The following KRT38 variants were observed in gnomAD, a reference collection of about 807,000 sequenced individuals.
The protein encoded by KRT38 is keratin 38.
A neutral mutation model predicts 43.1 loss-of-function variants in KRT38; 45 were observed. That is an observed-to-expected ratio of 1.04 (90% CI 0.82 to 1.34). The LOEUF is 1.34. Among genes scored for constraint, KRT38 ranks in the 40% most tolerant of loss-of-function variants. KRT38 has a pLI of 0.00. For synonymous variants in KRT38, 258 were observed against 244.0 expected, an observed-to-expected ratio of 1.06 and a Z score of -0.53; for missense variants, 627 against 586.2, an observed-to-expected ratio of 1.07 and a Z score of -0.72.
Position 41,437,537 on chromosome 17 carries a change from G to A in KRT38, c.1246C>T (p.Pro416Ser). Reference protein sequence around the residue: ...NLLESEDCKLPCNPCSTSPSC... With the variant: ...NLLESEDCKLSCNPCSTSPSC... Reference sequence around the variant, plus strand: ...GGAGACGTGGAGCACGGATTGCAGGGGAGTCTGCAGAGAGACAAGGTGAGG... The same window carrying A: ...GGAGACGTGGAGCACGGATTGCAGGAGAGTCTGCAGAGAGACAAGGTGAGG... The change falls in exon 7 of 7, where the codon CCC (proline) becomes TCC (serine). Residue 416 changes from proline (P) to serine (S), a missense_variant. Coordinates refer to ENST00000246646, the MANE Select transcript of KRT38 (RefSeq NM_006771.4). The A allele has an allele frequency of 6.4e-7, 1 of 1,563,816 alleles. No homozygotes were observed. Among genetic ancestry groups the A allele is most frequent in the Admixed American group, 2.0e-5 (1 of 48,800 alleles).
intron 2 of KRT38, 78 bp downstream of exon 2, chr17:41,440,083 C>T: frequency 8.8e-7 from 1 of 1,133,192 alleles, no homozygotes. Flanking sequence ...GACAATGATT[C>T]CCTCACTCAA....
chr17:41,437,463 G>T lies in KRT38; in HGVS notation c.1320C>A (p.Cys440Ter), dbSNP rs765931907. 3 of 1,560,886 alleles carry T rather than the reference G, an allele frequency of 1.9e-6. No homozygotes were observed. The highest frequency in any genetic ancestry group is 1.7e-6 in the Non-Finnish European group (2 of 1,160,472). ...PCAPRPSCGP[C>*]TTCGPTCGAS... Reference sequence around the variant, plus strand: ...CTCCACAGGTGGGCCCACAGGTGGTGCAGGGGCCACAGCTTGGGCGAGGAG... The same window carrying T: ...CTCCACAGGTGGGCCCACAGGTGGTTCAGGGGCCACAGCTTGGGCGAGGAG... The change falls in exon 7 of 7, where the codon TGC becomes TGA. Residue 440 changes from cysteine to a stop codon, truncating the protein, a stop_gained. Transcript: ENST00000246646. LOFTEE classifies it high-confidence loss of function.
rs1317483052 is a variant in KRT38 at position 41,437,197 on chromosome 17, C to T, written c.*215G>A. On this transcript the variant is annotated 3_prime_UTR_variant, in exon 7 of 7. Coordinates refer to ENST00000246646, the MANE Select transcript of KRT38 (RefSeq NM_006771.4). ...AGATATTCTGAGCCACCATGGGTGG[C>T]TGCAATCCAGCCACTGAGGGCATAG... 1.2e-5 allele frequency: 5 copies of T among 431,738 alleles called. No individual in the cohort carries two copies. Among genetic ancestry groups the T allele is most frequent in the Admixed American group, 4.4e-5 (1 of 22,638 alleles). 26.7% of individuals were successfully genotyped at this position (431,738 alleles called of 1,614,324 possible). A position where few individuals can be genotyped will look rare whatever the true frequency, so the allele number is the denominator to read the frequency against.
rs2018759762 is a variant in KRT38 at position 41,438,688 on chromosome 17, C to T, written c.894+9G>A. 9 of 1,613,748 alleles carry T rather than the reference C, an allele frequency of 5.6e-6. No homozygotes were observed. Among genetic ancestry groups the T allele is most frequent in the South Asian group, 3.3e-5 (3 of 91,042 alleles). On this transcript the variant is annotated intron_variant, in intron 4 of 6. Coordinates refer to ENST00000246646, the MANE Select transcript of KRT38 (RefSeq NM_006771.4). ...AGGTACCCCCTGGTTCTATACCCCC[C>T]CCACTCACCTGGGCTTGGAACCACT...
Position 41,438,689 on chromosome 17 carries a change from C to A in KRT38, c.894+8G>T. ...GGTACCCCCTGGTTCTATACCCCCC[C>A]CACTCACCTGGGCTTGGAACCACTG... is the stretch of plus-strand genomic sequence containing the variant. On this transcript the variant is annotated splice_region_variant and intron_variant, in intron 4 of 6. Coordinates refer to ENST00000246646, the MANE Select transcript of KRT38 (RefSeq NM_006771.4). 6.2e-7 allele frequency: 1 copy of A among 1,613,748 alleles called. No individual in the cohort carries two copies. The highest frequency in any genetic ancestry group is 1.3e-5 in the African/African-American group (1 of 74,958).
At chr17:41,438,443 G>A in intron 5 of KRT38, 48 bp downstream of exon 5, 1 of 1,613,752 alleles carries the variant, frequency 6.2e-7, no homozygotes, top group Non-Finnish European at 8.5e-7. Context: ...ATGCTACTAG[G>A]CCATGGCACG....
rs778749010 is a variant in KRT38 at position 41,438,669 on chromosome 17, C to T, written c.894+28G>A. On this transcript the variant is annotated intron_variant, in intron 4 of 6. Transcript: ENST00000246646. ...CCCTGCCCAGATGGAGGCCAGGTAC[C>T]CCCTGGTTCTATACCCCCCCCACTC... The T allele has an allele frequency of 5.8e-6, 9 of 1,564,532 alleles. No homozygotes were observed. The African/African-American group carries it at 5.8e-5, about 10-fold the overall frequency.
At position 41,440,973 on chromosome 17, in the gene KRT38, C is replaced by T. The variant is rs776449512; in HGVS notation, c.-52G>A. On this transcript the variant is annotated 5_prime_UTR_variant, in exon 1 of 7. Transcript: ENST00000246646. ...CTTCAGATCAGCTGGGAAAGCTGAA[C>T]CACTGAGACTGAAGCCTCCTCTCCT... 3.8e-5 allele frequency: 57 copies of T among 1,510,224 alleles called. No homozygotes were observed. The highest frequency in any genetic ancestry group is 5.0e-5 in the Non-Finnish European group (57 of 1,131,306). 93.6% of individuals were successfully genotyped at this position (1,510,224 alleles called of 1,614,324 possible).
chr17:41,440,206 A>G lies in KRT38; in HGVS notation c.530T>C (p.Val177Ala). The G allele has an allele frequency of 6.2e-7, 1 of 1,614,182 alleles. No individual in the cohort carries two copies. Among genetic ancestry groups the G allele is most frequent in the Non-Finnish European group, 8.5e-7 (1 of 1,180,030 alleles). Residue 177 changes from valine to alanine, a missense_variant, in exon 2 of 7, where the codon GTA becomes GCA. By Grantham distance (64) the Val-to-Ala change is moderately conservative. Transcript: ENST00000246646. Reference sequence around the variant, plus strand: ...AGCCAGCTTGGCATTGTCAATTTGTACAATCAGCCTGGCATTCTCGGCCTT... The same window carrying G: ...AGCCAGCTTGGCATTGTCAATTTGTGCAATCAGCCTGGCATTCTCGGCCTT... ...CSKAENARLIVQIDNAKLAAD... is the reference protein window; with the variant it reads ...CSKAENARLIAQIDNAKLAAD...
chr17:41,438,228 AC>A lies in KRT38; in HGVS notation c.1105del (p.Val369TrpfsTer25). ...LAQMQSLISN[V>X]EEQLSEIRAD... ...CCGGATCTCAGACAGCTGCTCCTCCACGTTGCTGATGAGGCTCTGCATCTGG... is the reference window on the plus strand; with the variant it reads ...CCGGATCTCAGACAGCTGCTCCTCCAGTTGCTGATGAGGCTCTGCATCTGG... On this transcript the variant is annotated frameshift_variant, in exon 6 of 7. Transcript: ENST00000246646. LOFTEE classifies it high-confidence loss of function. 1.2e-6 allele frequency: 2 copies of A among 1,613,980 alleles called. No individual in the cohort carries two copies. Among genetic ancestry groups the A allele is most frequent in the Non-Finnish European group, 8.5e-7 (1 of 1,179,994 alleles).
At chr17:41,438,434 T>C in intron 5 of KRT38, 57 bp downstream of exon 5, 2 of 1,611,236 alleles carry the variant, frequency 1.2e-6, no homozygotes, top group South Asian at 2.2e-5. Context: ...CAAAATAAAA[T>C]GCTACTAGGC....
chr17:41,440,175 A>G lies in KRT38; in HGVS notation c.561T>C (p.Asp187=). 2 of 1,614,178 alleles carry G rather than the reference A, an allele frequency of 1.2e-6. No homozygotes were observed. Among genetic ancestry groups the G allele is most frequent in the Admixed American group, 1.7e-5 (1 of 60,018 alleles). ...VQIDNAKLAA[D]DFRIKLESER... is the part of the protein sequence containing the mutation. ...GCCTGACTTACTTGATCCTAAAGTC[A>G]TCGGCAGCCAGCTTGGCATTGTCAA... The change falls in exon 2 of 7, where the codon GAT becomes GAC. Residue 187 remains aspartate, a synonymous_variant. Transcript: ENST00000246646.
At chr17:41,439,411 T>C (rs1311118147) in intron 2 of KRT38, 52 bp from the exon 3 acceptor site, 2 of 1,586,106 alleles carry the variant, frequency 1.3e-6, no homozygotes, top group African/African-American at 2.7e-5. Flanking sequence ...AGAGCCCCTC[T>C]CGGCTGCCCT....
In KRT38 at chr17:41,438,755, T is replaced by G. The variant is rs930016537; in HGVS notation, c.836A>C (p.Gln279Pro). The change falls in exon 4 of 7, where the codon CAG (glutamine) becomes CCG (proline). Residue 279 changes from glutamine to proline, a missense_variant. Coordinates refer to ENST00000246646, the MANE Select transcript of KRT38 (RefSeq NM_006771.4). ...GTTGGTCTCCAACATGGCCTCATAC[T>G]GAGCCCGCATCTCCCCCAGCACCCT... ...LNRVLGEMRA[Q>P]YEAMLETNRQ... 6.2e-7 allele frequency: 1 copy of G among 1,614,016 alleles called. No homozygotes were observed. Among genetic ancestry groups the G allele is most frequent in the African/African-American group, 1.3e-5 (1 of 74,920 alleles).
At chr17:41,439,655 G>A (rs544159861) in intron 2 of KRT38, among the ~76,000 whole-genome samples, 30 of 152,324 alleles carry the variant, frequency 2.0e-4, no homozygotes, top group African/African-American at 7.0e-4. Flanking sequence ...CCAGTCCAAC[G>A]CTCATGCCAT....
chr17:41,439,437 A>C, intron 2 of KRT38, 78 bp from the exon 3 acceptor site: 3 of 1,510,492 alleles, frequency 2.0e-6, no homozygotes, highest in Non-Finnish European at 2.7e-6. Flanking sequence ...CCTACCTCCC[A>C]CACCACCTTG....
Position 41,437,422 on chromosome 17 carries a change from C to T in KRT38, c.1361G>A (p.Ser454Asn), listed in dbSNP as rs373418175. 4 of 1,567,458 alleles carry T rather than the reference C, an allele frequency of 2.6e-6. No homozygotes were observed. Among genetic ancestry groups the T allele is most frequent in the Non-Finnish European group, 3.4e-6 (4 of 1,161,304 alleles). ...TGGGTCCACAGGAATTCAGAATCGGCTTCCGGTGGTGCTGGCTCCACAGGT... is the reference window on the plus strand; with the variant it reads ...TGGGTCCACAGGAATTCAGAATCGGTTTCCGGTGGTGCTGGCTCCACAGGT... ...GPTCGASTTG[S>N]RF The change falls in exon 7 of 7, where the codon AGC becomes AAC. Residue 454 changes from serine to asparagine, a missense_variant. Physicochemically the swap from Ser to Asn is conservative, Grantham distance 46. Coordinates refer to ENST00000246646, the MANE Select transcript of KRT38 (RefSeq NM_006771.4).
At position 41,439,328 on chromosome 17, in the gene KRT38, C is replaced by A. The variant is rs1472016709; in HGVS notation, c.607G>T (p.Val203Leu). ...TGTGTCCCACACTTGTCTGCCTCCA[C>A]CAGCTGGCGCAGGGAGCGCTCACTC... is the stretch of plus-strand genomic sequence containing the variant. Reference protein sequence around the residue: ...LESERSLRQLVEADKCGTQKL... With the variant: ...LESERSLRQLLEADKCGTQKL... The change falls in exon 3 of 7, where the codon GTG becomes TTG. Residue 203 changes from valine (V) to leucine (L), a missense_variant. By Grantham distance (32) the Val-to-Leu change is conservative (BLOSUM62 1). Coordinates refer to ENST00000246646, the MANE Select transcript of KRT38 (RefSeq NM_006771.4). 1.2e-6 allele frequency: 2 copies of A among 1,614,168 alleles called. No individual in the cohort carries two copies. The highest frequency in any genetic ancestry group is 3.3e-5 in the Admixed American group (2 of 60,026).
In KRT38 at chr17:41,437,519, T is replaced by G. The variant is rs772338762; in HGVS notation, c.1264A>C (p.Thr422Pro). Residue 422 changes from threonine (T) to proline (P), a missense_variant, in exon 7 of 7, where the codon ACG (threonine) becomes CCG (proline). Thr to Pro is a conservative substitution (Grantham distance 38, BLOSUM62 -1). Coordinates refer to ENST00000246646, the MANE Select transcript of KRT38 (RefSeq NM_006771.4). The part of the protein sequence containing the change: ...DCKLPCNPCS[T>P]SPSCVTAPCA... ...GGGGCAGTCACGCAGGAGGGAGACG[T>G]GGAGCACGGATTGCAGGGGAGTCTG... The G allele has an allele frequency of 6.4e-7, 1 of 1,561,160 alleles. No individual in the cohort carries two copies. The highest frequency in any genetic ancestry group is 2.5e-5 in the East Asian group (1 of 40,582).
Sources: gnomAD v4.1 joint callset for allele counts (sites outside exome capture counted in the v4.1 genomes callset) on GRCh38, gnomAD v4.1.1 for gene constraint, MANE v1.5 for transcripts, NCBI Gene and HGNC (gene_info 2026-07-23, HGNC 2026-07-21) for gene names.